ARHGAP26: variants seen among roughly 807,000 people sequenced by gnomAD.
The protein encoded by ARHGAP26 is Rho GTPase activating protein 26, also known as rho GTPase-activating protein 26.
In ARHGAP26, 38 loss-of-function variants were observed where a neutral mutation model predicts 104.8. The observed-to-expected ratio is 0.36, with a 90% CI of 0.28 to 0.48. The LOEUF (loss-of-function observed/expected upper bound fraction) is 0.48. Among genes scored for constraint, ARHGAP26 ranks in the 20% least tolerant of loss-of-function variants. The probability of loss-of-function intolerance (pLI) is 0.99; values close to 1 mark genes in which losing one functional copy is unlikely to be tolerated. For missense variants in ARHGAP26, 704 were observed against 947.9 expected (o/e 0.74, Z 3.38); for synonymous variants, 341 against 340.0 (o/e 1.00, Z -0.03).
intron 1 of ARHGAP26, among the ~76,000 whole-genome samples, chr5:142,851,431 T>A (rs1751505146): frequency 6.6e-6 from 1 of 152,206 alleles, no homozygotes; most frequent in East Asian, 1.9e-4. Context: ...TAAGATAACA[T>A]CAGGCATTAG....
chr5:142,967,645 G>A (rs1008254294), intron 11 of ARHGAP26, among the ~76,000 whole-genome samples: 5 of 152,100 alleles, frequency 3.3e-5, no homozygotes, highest in Non-Finnish European at 7.4e-5. Flanking sequence ...CTATTGATGT[G>A]CCAATCTAGG....
At chr5:143,037,804 C>G (rs1215938048) in intron 13 of ARHGAP26, among the ~76,000 whole-genome samples, 2 of 152,204 alleles carry the variant, frequency 1.3e-5, no homozygotes, top group Non-Finnish European at 1.5e-5. Flanking sequence ...GTTTTCCTGT[C>G]TAAGTTCACA....
intron 11 of ARHGAP26, among the ~76,000 whole-genome samples, chr5:142,988,189 G>A (rs971314661): frequency 6.6e-6 from 1 of 152,080 alleles, no homozygotes; most frequent in Non-Finnish European, 1.5e-5. Context: ...GTCTATTCAG[G>A]GATTCAACTT....
intron 20 of ARHGAP26, among the ~76,000 whole-genome samples, chr5:143,204,146 G>A (rs1808201617): frequency 6.6e-6 from 1 of 151,768 alleles, no homozygotes; most frequent in African/African-American, 2.4e-5. Flanking sequence ...GGTAATAAAT[G>A]TTAAAATGCA....
intron 9 of ARHGAP26, among the ~76,000 whole-genome samples, chr5:142,909,616 G>A (rs1337031979): frequency 6.6e-6 from 1 of 152,200 alleles, no homozygotes; most frequent in Non-Finnish European, 1.5e-5. Flanking sequence ...GGCAGGGGCA[G>A]GATTGATTTA....
chr5:143,094,113 C>T (rs1791908852), intron 17 of ARHGAP26, among the ~76,000 whole-genome samples: 1 of 152,260 alleles, frequency 6.6e-6, no homozygotes, highest in Non-Finnish European at 1.5e-5. Context: ...TCCCCCGCCC[C>T]CGCGGCTTTC....
chr5:143,137,503 T>C (rs886394576), intron 19 of ARHGAP26, among the ~76,000 whole-genome samples: 3 of 152,242 alleles, frequency 2.0e-5, no homozygotes, highest in African/African-American at 7.2e-5. Flanking sequence ...GTTGGAGGGA[T>C]ATGCTGTGAG....
At chr5:142,895,612 T>C (rs1759372002) in intron 6 of ARHGAP26, among the ~76,000 whole-genome samples, 1 of 152,146 alleles carries the variant, frequency 6.6e-6, no homozygotes, top group South Asian at 2.1e-4. Context: ...GTAAAGAGCA[T>C]TGTGTACCCC....
At chr5:142,927,064 G>T (rs1203566851) in intron 10 of ARHGAP26, among the ~76,000 whole-genome samples, 1 of 152,132 alleles carries the variant, frequency 6.6e-6, no homozygotes, top group South Asian at 2.1e-4. Flanking sequence ...TCAGTTGCTA[G>T]TCTGCCGTGG....
At chr5:143,027,891 G>A (rs537590879) in intron 12 of ARHGAP26, among the ~76,000 whole-genome samples, 11 of 152,216 alleles carry the variant, frequency 7.2e-5, no homozygotes, top group South Asian at 2.1e-4. Flanking sequence ...CATAATTGCC[G>A]GGAGAGGGCC....
intron 21 of ARHGAP26, among the ~76,000 whole-genome samples, chr5:143,208,457 G>A (rs916353185): frequency 2.0e-5 from 3 of 152,172 alleles, no homozygotes; most frequent in African/African-American, 7.2e-5. Context: ...AAAACCCCAT[G>A]CTATTTATAT....
Position 143,015,149 on chromosome 5 carries a change from C to T in ARHGAP26, c.1144+1033C>T, listed in dbSNP as rs149306091. Among the ~76,000 whole-genome samples, 10 of 152,074 alleles carry T rather than the reference C, an allele frequency of 6.6e-5. No homozygotes were observed. In the East Asian group the frequency reaches 1.5e-3, roughly 23 times the overall value. On this transcript the variant is annotated intron_variant, in intron 12 of 22. Coordinates refer to ENST00000645722, the MANE Select transcript of ARHGAP26 (RefSeq NM_001135608.3). ...GAGATGAAAAAAAAATGTTCCCCTC[C>T]ACCTCCAAAAAAAATAAAATGAGCA...
intron 11 of ARHGAP26, among the ~76,000 whole-genome samples, chr5:142,956,348 G>A (rs566295594): frequency 6.6e-6 from 1 of 152,178 alleles, no homozygotes; most frequent in South Asian, 2.1e-4. Flanking sequence ...GGCTGAGATG[G>A]GAGGATCACT....
chr5:143,009,599 A>G (rs928955349), intron 11 of ARHGAP26, among the ~76,000 whole-genome samples: 1 of 152,200 alleles, frequency 6.6e-6, no homozygotes, highest in African/African-American at 2.4e-5. Flanking sequence ...ATTAATTTCT[A>G]TCTGTCATAA....
chr5:143,137,098 C>T (rs924833126), intron 19 of ARHGAP26, among the ~76,000 whole-genome samples: 14 of 152,162 alleles, frequency 9.2e-5, no homozygotes, highest in African/African-American at 3.4e-4. Context: ...CATCCTGATA[C>T]ATAAGACCTC....
rs945559168 is a variant in ARHGAP26 at position 142,871,413 on chromosome 5, T to C, written c.155-1987T>C. 3.9e-5 allele frequency among the ~76,000 whole-genome samples: 6 copies of C among 152,198 alleles called. No individual in the cohort carries two copies. The highest frequency in any genetic ancestry group is 8.8e-5 in the Non-Finnish European group (6 of 68,030). On this transcript the variant is annotated intron_variant, in intron 1 of 22. Transcript: ENST00000645722. The surrounding 1 kb of genome is among the most constrained non-coding windows in gnomAD (Gnocchi z 4.1). ...TTGCATTTCACCTGTTTCCACTTTG[T>C]TGAGATGATTGAGTTTCTCTTGCTT...
At chr5:143,216,335 G>A (rs963573588) in intron 22 of ARHGAP26, 34 of 468,450 alleles carry the variant, frequency 7.3e-5, no homozygotes, top group African/African-American at 3.0e-4. Context: ...ACAGAGCAGC[G>A]AGAGTGATCT....
chr5:143,170,094 A>G (rs1274178922), intron 20 of ARHGAP26: 1 of 152,226 alleles, frequency 6.6e-6, no homozygotes, highest in Non-Finnish European at 1.5e-5. Flanking sequence ...AGTGCCCATT[A>G]CAGGTTATTA....
intron 11 of ARHGAP26, among the ~76,000 whole-genome samples, chr5:142,996,450 G>A (rs573409218): frequency 1.3e-5 from 2 of 152,178 alleles, no homozygotes; most frequent in African/African-American, 4.8e-5. Flanking sequence ...CCAAGATCAC[G>A]CCACTGCACT....
Sources: gnomAD v4.1 joint callset for allele counts (sites outside exome capture counted in the v4.1 genomes callset) on GRCh38, gnomAD v4.1.1 for gene constraint, Gnocchi (gnomAD v3.1) non-coding constraint, MANE v1.5 for transcripts, NCBI Gene and HGNC (gene_info 2026-07-23, HGNC 2026-07-21) for gene names.